TMEM163: variants seen among roughly 807,000 people sequenced by gnomAD.
TMEM163 encodes the protein transmembrane protein 163.
Under a neutral mutation model 29.3 loss-of-function variants are expected in TMEM163, and 17 were observed. The ratio of observed to expected loss-of-function variants is 0.58; its 90% confidence interval spans 0.40 to 0.87. TMEM163 has a LOEUF of 0.87. TMEM163 is among the 40% of genes least tolerant of loss of function. The pLI is 0.00. For missense variants in TMEM163, 303 were observed against 381.5 expected, an observed-to-expected ratio of 0.79 and a Z score of 1.71; for synonymous variants, 157 against 160.6, an observed-to-expected ratio of 0.98 and a Z score of 0.17.
intron 4 of TMEM163, among the ~76,000 whole-genome samples, chr2:134,528,955 CAA>C (rs1470871117): frequency 6.6e-6 from 1 of 152,136 alleles, no homozygotes; most frequent in African/African-American, 2.4e-5. Flanking sequence ...TTTTCAATAA[CAA>C]AGAAATGCTC....
intron 2 of TMEM163, among the ~76,000 whole-genome samples, chr2:134,593,959 G>A (rs1384168241): frequency 1.3e-5 from 2 of 152,102 alleles, no homozygotes; most frequent in Non-Finnish European, 1.5e-5. Flanking sequence ...CAACATGCCA[G>A]ATGGAACAGG....
intron 2 of TMEM163, among the ~76,000 whole-genome samples, chr2:134,651,424 A>T (rs1408791563): frequency 1.7e-5 from 2 of 120,692 alleles, no homozygotes; most frequent in Admixed American, 8.3e-5. Context: ...GTTTGAGTTC[A>T]TTGTAGATTC....
At chr2:134,541,283 G>A (rs915300557) in intron 4 of TMEM163, among the ~76,000 whole-genome samples, 1 of 152,216 alleles carries the variant, frequency 6.6e-6, no homozygotes, top group African/African-American at 2.4e-5. Flanking sequence ...GCTAACTAAA[G>A]AAATGCATGT....
rs1034580426 is a variant in TMEM163, at chr2:134,550,865, G to A, written c.367-204C>T. 9.2e-5 allele frequency among the ~76,000 whole-genome samples: 14 copies of A among 152,330 alleles called. 1 individual carries two copies. The East Asian group carries it at 2.3e-3, about 25-fold the overall frequency. ...AGACACCCAGTGTGCCATGTAGGGG[G>A]CTCTGCTCCCAGGGCCCCTGGCTCC... On this transcript the variant is annotated intron_variant, in intron 3 of 7. Coordinates refer to ENST00000281924, the MANE Select transcript of TMEM163 (RefSeq NM_030923.5).
chr2:134,717,360 G>C (rs1019585039), intron 1 of TMEM163, among the ~76,000 whole-genome samples: 2 of 152,162 alleles, frequency 1.3e-5, no homozygotes, highest in Non-Finnish European at 2.9e-5. Flanking sequence ...CCTCTTAAAT[G>C]GCATCTAGTT....
intron 2 of TMEM163, among the ~76,000 whole-genome samples, chr2:134,589,975 A>G (rs576183325): frequency 1.5e-4 from 23 of 152,288 alleles, no homozygotes; most frequent in African/African-American, 5.1e-4. Context: ...TGGGTGAGAC[A>G]GGGAATCAAC....
intron 2 of TMEM163, among the ~76,000 whole-genome samples, chr2:134,553,290 T>C (rs994413697): frequency 1.3e-5 from 2 of 152,204 alleles, no homozygotes; most frequent in East Asian, 3.9e-4. Context: ...CTCTAGGACC[T>C]GCTCCTTGTC....
At chr2:134,485,166 C>A (rs987418663) in intron 5 of TMEM163, among the ~76,000 whole-genome samples, 3 of 152,166 alleles carry the variant, frequency 2.0e-5, no homozygotes, top group Admixed American at 1.3e-4. Context: ...CTTAATACAC[C>A]TAATCTACTG....
intron 4 of TMEM163, among the ~76,000 whole-genome samples, chr2:134,533,546 T>C (rs954211094): frequency 6.6e-6 from 1 of 152,224 alleles, no homozygotes; most frequent in African/African-American, 2.4e-5. Flanking sequence ...TATGTGCCAC[T>C]GTTACAAATC....
chr2:134,616,370 A>G (rs916704311), intron 2 of TMEM163, among the ~76,000 whole-genome samples: 3 of 152,174 alleles, frequency 2.0e-5, no homozygotes, highest in Admixed American at 6.5e-5. Context: ...TTCCAATGGG[A>G]GATCTTTAGG....
intron 2 of TMEM163, among the ~76,000 whole-genome samples, chr2:134,712,884 C>T (rs967765570): frequency 6.6e-6 from 1 of 152,184 alleles, no homozygotes; most frequent in Admixed American, 6.5e-5. Context: ...ATATGTGTCA[C>T]ATGTCAGCCC....
chr2:134,574,225 G>A (rs1318644003), intron 2 of TMEM163, among the ~76,000 whole-genome samples: 3 of 152,198 alleles, frequency 2.0e-5, no homozygotes, highest in Admixed American at 2.0e-4. Flanking sequence ...AAGAAAAATA[G>A]CCAAGCATTA....
chr2:134,551,467 G>A (rs1680921408), intron 3 of TMEM163, among the ~76,000 whole-genome samples: 1 of 152,182 alleles, frequency 6.6e-6, no homozygotes, highest in South Asian at 2.1e-4. Flanking sequence ...GTTGAGAAGA[G>A]CTCTCTTTAT....
chr2:134,515,567 A>G (rs1469701599), intron 4 of TMEM163, among the ~76,000 whole-genome samples: 1 of 152,202 alleles, frequency 6.6e-6, no homozygotes, highest in Non-Finnish European at 1.5e-5. Context: ...TTGCAGAAGA[A>G]TGTTCACAGT....
intron 2 of TMEM163, among the ~76,000 whole-genome samples, chr2:134,660,625 T>A (rs1048952406): frequency 3.9e-5 from 6 of 152,198 alleles, no homozygotes; most frequent in African/African-American, 1.4e-4. Context: ...ATCTTCTAAA[T>A]GTGCCCACTG....
At chr2:134,634,271 T>C (rs1683054190) in intron 2 of TMEM163, among the ~76,000 whole-genome samples, 1 of 151,990 alleles carries the variant, frequency 6.6e-6, no homozygotes. Context: ...TCAGACAGAC[T>C]CGGTTCACAG....
chr2:134,581,519 T>C (rs1220936990), intron 2 of TMEM163, among the ~76,000 whole-genome samples: 2 of 152,188 alleles, frequency 1.3e-5, no homozygotes, highest in East Asian at 1.9e-4. Context: ...AAATGTAAAA[T>C]AGCAGCTGCC....
chr2:134,460,009 C>T lies in TMEM163; in HGVS notation c.668-1836G>A, dbSNP rs1354428594. On this transcript the variant is annotated intron_variant, in intron 6 of 7. Coordinates refer to ENST00000281924, the MANE Select transcript of TMEM163 (RefSeq NM_030923.5). This position sits in a 1 kb window ranked among gnomAD's most constrained non-coding sequence, Gnocchi z 4.3. ...AGATGGGGCCACCAGCTGCAGAGGC[C>T]AAGATTCTAGGAGCCCATCTTCCCT... Among the ~76,000 whole-genome samples, 2 of 151,994 alleles carry T rather than the reference C, an allele frequency of 1.3e-5. No individual in the cohort carries two copies. Among genetic ancestry groups the T allele is most frequent in the African/African-American group, 4.8e-5 (2 of 41,358 alleles).
At chr2:134,703,618 G>A (rs548784329) in intron 2 of TMEM163, among the ~76,000 whole-genome samples, 28 of 152,222 alleles carry the variant, frequency 1.8e-4, no homozygotes, top group African/African-American at 6.5e-4. Context: ...GTATAAAAGA[G>A]TAAATTATTT....
Sources: allele counts gnomAD v4.1 joint callset (sites outside exome capture counted in the v4.1 genomes callset), GRCh38; gene constraint gnomAD v4.1.1; non-coding constraint Gnocchi (gnomAD v3.1); transcripts MANE v1.5; gene names NCBI Gene and HGNC (gene_info 2026-07-23, HGNC 2026-07-21).